Variants in COL4A3 observed in about 807,000 individuals in gnomAD.
COL4A3 encodes collagen alpha-3(IV) chain.
A neutral mutation model predicts 217.4 loss-of-function variants in COL4A3; 135 were observed. The ratio of observed to expected loss-of-function variants is 0.62; its 90% confidence interval spans 0.54 to 0.72. The LOEUF is 0.72. COL4A3 is among the 30% of genes least tolerant of loss of function. COL4A3 has a pLI of 0.00. For synonymous variants in COL4A3, 690 were observed against 736.3 expected, an observed-to-expected ratio of 0.94 and a Z score of 1.02; for missense variants, 1,868 against 2,119.9, an observed-to-expected ratio of 0.88 and a Z score of 2.33.
At chr2:227,203,418 TATACATAC>T (rs1195246729) in intron 1 of COL4A3, among the ~76,000 whole-genome samples, 2 of 53,046 alleles carry the variant, frequency 3.8e-5, no homozygotes, top group Non-Finnish European at 3.6e-5. Flanking sequence ...CATATATGTG[TATACATAC>T]ATATATGTGT....
At chr2:227,184,154 A>C (rs1290764300) in intron 1 of COL4A3, among the ~76,000 whole-genome samples, 1 of 152,196 alleles carries the variant, frequency 6.6e-6, no homozygotes, top group Non-Finnish European at 1.5e-5. Context: ...CTTCTGCCTC[A>C]GCCAAGAAGC....
Position 227,220,136 on chromosome 2 carries a change from ATGTGTGTGTGTG to A in COL4A3, c.88-17814_88-17803del, listed in dbSNP as rs35199710. Among the ~76,000 whole-genome samples the A allele has an allele frequency of 1.2e-3, 147 of 127,150 alleles. 2 individuals carry two copies. The highest frequency in any genetic ancestry group is 4.6e-3 in the African/African-American group (139 of 30,218). 83.4% of individuals were successfully genotyped at this position (127,150 alleles called of 152,430 possible). ...GCTTCTTGTTTAATAAGGCGGTTTT[ATGTGTGTGTGTG>A]TGTGTGTGTGTGTGTGTTTCAGAGA... On this transcript the variant is annotated intron_variant, in intron 1 of 51. Coordinates refer to ENST00000396578, the MANE Select transcript of COL4A3 (RefSeq NM_000091.5).
chr2:227,290,184 A>G, intron 36 of COL4A3, 96 bp downstream of exon 36: 1 of 1,202,890 alleles, frequency 8.3e-7, no homozygotes. Context: ...TCCACTTGGT[A>G]GAAAGCTTAT....
At chr2:227,309,344 TAGGG>T in intron 50 of COL4A3, 26 bp downstream of exon 50, 1 of 1,559,922 alleles carries the variant, frequency 6.4e-7, no homozygotes, top group Non-Finnish European at 8.8e-7. Flanking sequence ...ACAGGAGGTT[TAGGG>T]TAAAGACTAC....
chr2:227,204,884 A>G (rs566109784), intron 1 of COL4A3, among the ~76,000 whole-genome samples: 1 of 152,246 alleles, frequency 6.6e-6, no homozygotes, highest in Non-Finnish European at 1.5e-5. Flanking sequence ...AATGTTTCCA[A>G]TGTACATGAC....
chr2:227,213,143 A>G (rs1394144747), intron 1 of COL4A3, among the ~76,000 whole-genome samples: 1 of 152,226 alleles, frequency 6.6e-6, no homozygotes, highest in Non-Finnish European at 1.5e-5. Context: ...TTTAGGGTAC[A>G]GTGAAAATTA....
At chr2:227,221,447 C>G (rs78074587) in intron 1 of COL4A3, 2 of 47,162 alleles carry the variant, frequency 4.2e-5, no homozygotes, top group Admixed American at 2.2e-4. Flanking sequence ...TTTTTTTTTT[C>G]GCATTCATCC....
At chr2:227,172,025 A>T (rs6710485) in intron 1 of COL4A3, among the ~76,000 whole-genome samples, 7,527 of 152,124 alleles carry the variant, frequency 0.049, 229 homozygotes, top group Admixed American at 0.086. Context: ...TGTTCACTGG[A>T]GTTGTATACG....
rs539496284 is a variant in COL4A3 at position 227,168,013 on chromosome 2, A to G, written c.87+3200A>G. On this transcript the variant is annotated intron_variant, in intron 1 of 51. Coordinates refer to ENST00000396578, the MANE Select transcript of COL4A3 (RefSeq NM_000091.5). ...TGGAGCTTGCTTTTTATCACTCCAT[A>G]TTATGTTTTTGGATTTTATCCATGT... Among the ~76,000 whole-genome samples, 48 of 152,266 alleles carry G rather than the reference A, an allele frequency of 3.2e-4. 1 individual carries two copies. In the South Asian group the frequency reaches 7.5e-3, roughly 24 times the overall value.
intron 26 of COL4A3, 96 bp from the exon 27 acceptor site, chr2:227,276,289 G>A (rs1421411525): frequency 3.3e-6 from 3 of 905,914 alleles, no homozygotes; most frequent in East Asian, 2.5e-5. Context: ...ATTTTTTGGG[G>A]ATATGTTTAT....
intron 3 of COL4A3, among the ~76,000 whole-genome samples, chr2:227,240,622 T>C: frequency 6.8e-6 from 1 of 148,128 alleles, no homozygotes; most frequent in East Asian, 1.9e-4. Flanking sequence ...CTCCGGACAT[T>C]CCAACTTTTC....
chr2:227,209,577 C>T (rs948555393), intron 1 of COL4A3, among the ~76,000 whole-genome samples: 4 of 152,172 alleles, frequency 2.6e-5, no homozygotes, highest in Non-Finnish European at 5.9e-5. Context: ...CAGTGACTCA[C>T]ACCTGTAATC....
At chr2:227,241,801 C>G (rs546245177) in intron 3 of COL4A3, among the ~76,000 whole-genome samples, 1 of 152,340 alleles carries the variant, frequency 6.6e-6, no homozygotes, top group East Asian at 1.9e-4. Context: ...CCATCTATTT[C>G]TCCCTGGATC....
Position 227,283,775 on chromosome 2 carries a change from GGAGT to G in COL4A3, c.2668_2671del (p.Val890LeufsTer3). ...TTAATTTGTTTCCATAGGTGAAGAT[GGAGT>G]GATTGGGATGATGGGCTTTCCTGGA... On this transcript the variant is annotated frameshift_variant, in exon 33 of 52. Transcript: ENST00000396578. LOFTEE classifies it high-confidence loss of function. 6.2e-7 allele frequency: 1 copy of G among 1,614,100 alleles called. No individual in the cohort carries two copies. The highest frequency in any genetic ancestry group is 1.1e-5 in the South Asian group (1 of 91,084).
At chr2:227,263,665 A>T (rs2070726555) in intron 20 of COL4A3, 115 bp from the exon 21 acceptor site, 4 of 1,050,530 alleles carry the variant, frequency 3.8e-6, no homozygotes, top group African/African-American at 1.6e-5. Flanking sequence ...TGTGTTATGT[A>T]CCTCTCCATT....
At chr2:227,255,253 A>AC (rs2070080379) in intron 15 of COL4A3, among the ~76,000 whole-genome samples, 1 of 152,094 alleles carries the variant, frequency 6.6e-6, no homozygotes, top group Non-Finnish European at 1.5e-5. Flanking sequence ...CATCAGAACC[A>AC]CCCAGAGGGA....
chr2:227,205,457 G>A (rs918892273), intron 1 of COL4A3, among the ~76,000 whole-genome samples: 11 of 152,036 alleles, frequency 7.2e-5, no homozygotes, highest in African/African-American at 2.4e-4. Flanking sequence ...AATGCATTGA[G>A]ACATACAATG....
chr2:227,311,585 G>A (rs2073742876), intron 51 of COL4A3, among the ~76,000 whole-genome samples: 1 of 151,864 alleles, frequency 6.6e-6, no homozygotes. Context: ...TCACCATGTT[G>A]GCCGCTGGTC....
intron 1 of COL4A3, among the ~76,000 whole-genome samples, chr2:227,228,795 T>C (rs1412666911): frequency 6.6e-6 from 1 of 152,192 alleles, no homozygotes; most frequent in African/African-American, 2.4e-5. Flanking sequence ...AGATAATTGT[T>C]TACAGTGCTA....
Sources: allele counts gnomAD v4.1 joint callset (sites outside exome capture counted in the v4.1 genomes callset), GRCh38; gene constraint gnomAD v4.1.1; transcripts MANE v1.5; gene names NCBI Gene and HGNC (gene_info 2026-07-23, HGNC 2026-07-21).